Variants in NPEPL1 observed in about 807,000 individuals in gnomAD.
NPEPL1 encodes the protein probable aminopeptidase NPEPL1.
A neutral mutation model predicts 52.4 loss-of-function variants in NPEPL1; 45 were observed. That is an observed-to-expected ratio of 0.86 (90% CI 0.68 to 1.10). NPEPL1 has a LOEUF of 1.10. NPEPL1 is among the 50% of genes least tolerant of loss of function. The pLI is 0.00. For missense variants in NPEPL1, 696 were observed against 710.9 expected, an observed-to-expected ratio of 0.98 and a Z score of 0.24; for synonymous variants, 360 against 314.7, an observed-to-expected ratio of 1.14 and a Z score of -1.52.
chr20:58,708,944 C>A (rs548855215), intron 7 of NPEPL1, among the ~76,000 whole-genome samples: 2 of 152,132 alleles, frequency 1.3e-5, no homozygotes, highest in East Asian at 1.9e-4. Context: ...CCTGGTTACT[C>A]CTCCAACAGA....
chr20:58,707,042 CGGGTGG>C, intron 6 of NPEPL1, 75 bp from the exon 7 acceptor site: 3 of 1,056,304 alleles, frequency 2.8e-6, no homozygotes, highest in Non-Finnish European at 3.7e-6. Flanking sequence ...AGCGTGGGGC[CGGGTGG>C]GGGTGGGGGG....
At chr20:58,701,684 AG>A (rs1170938317) in intron 6 of NPEPL1, among the ~76,000 whole-genome samples, 4 of 152,122 alleles carry the variant, frequency 2.6e-5, no homozygotes, top group African/African-American at 7.2e-5. Flanking sequence ...GAGAAGGGCA[AG>A]GGGACGCCTG....
At position 58,713,939 on chromosome 20, in the gene NPEPL1, A is replaced by G. The variant is rs1219980337; in HGVS notation, c.1148A>G (p.His383Arg). Reference protein sequence around the residue: ...GAQGIATGKYHAAVLTNSAEW... With the variant: ...GAQGIATGKYRAAVLTNSAEW... ...CAGGGCATTGCCACAGGGAAGTACC[A>G]CGCCGCGGTGCTCACCAACAGCGCT... Residue 383 changes from histidine (H) to arginine (R), a missense_variant, in exon 10 of 12, where the codon CAC becomes CGC. Physicochemically the swap from His to Arg is conservative, Grantham distance 29. Coordinates refer to ENST00000356091, the MANE Select transcript of NPEPL1 (RefSeq NM_024663.4). The surrounding 1 kb of genome is among the most constrained non-coding windows in gnomAD (Gnocchi z 4.6). 7.3e-6 allele frequency: 11 copies of G among 1,500,238 alleles called. No individual in the cohort carries two copies. In the East Asian group the frequency reaches 2.8e-4, roughly 39 times the overall value. The allele number at this position is 1,500,238 out of a possible 1,614,324, so 92.9% of individuals were successfully genotyped here. A position where few individuals can be genotyped will look rare whatever the true frequency, so the allele number is the denominator to read the frequency against.
chr20:58,691,940 C>T, upstream of NPEPL1: 1 of 752,602 alleles, frequency 1.3e-6, no homozygotes, highest in South Asian at 1.5e-5. Context: ...CCTCCACCAT[C>T]CACTCAAGGC....
At chr20:58,694,640 G>A (rs771161397) in intron 3 of NPEPL1, 48 bp downstream of exon 3, 8 of 1,543,946 alleles carry the variant, frequency 5.2e-6, no homozygotes, top group South Asian at 2.4e-5. Flanking sequence ...GGGCAAGATC[G>A]GGCAGGTGGG....
chr20:58,699,135 C>T, intron 4 of NPEPL1, 62 bp from the exon 5 acceptor site: 1 of 1,471,724 alleles, frequency 6.8e-7, no homozygotes, highest in South Asian at 1.2e-5. Flanking sequence ...GCCTCGGCCT[C>T]TCCTGTTTCC....
At chr20:58,691,693 C>CTTTTTTTTTTTTTTTTTTCTTTTTT, upstream of NPEPL1, 1 of 561,314 alleles carries the variant, frequency 1.8e-6, no homozygotes, top group Non-Finnish European at 2.9e-6. Flanking sequence ...TTTTTCTTTT[C>CTTTTTTTTTTTTTTTTTTCTTTTTT]TTTTTTTTTT....
Position 58,693,736 on chromosome 20 carries a change from G to T in NPEPL1, c.151-1G>T, listed in dbSNP as rs778332248. ...TGTCTTGTCTCTCCCTTCTGATCTA[G>T]CTCTGGCAGGCTGCCCTGAGCACGC... On this transcript the variant is annotated splice_acceptor_variant, in intron 1 of 11. Coordinates refer to ENST00000356091, the MANE Select transcript of NPEPL1 (RefSeq NM_024663.4). LOFTEE classifies it high-confidence loss of function. 3 of 1,601,658 alleles carry T rather than the reference G, an allele frequency of 1.9e-6. No individual in the cohort carries two copies. The highest frequency in any genetic ancestry group is 4.5e-5 in the East Asian group (2 of 44,430).
At chr20:58,704,323 A>G in intron 6 of NPEPL1, 1 of 985,436 alleles carries the variant, frequency 1.0e-6, no homozygotes, top group African/African-American at 1.7e-5. Context: ...CAAAGATTTC[A>G]AGGGCAGCTC....
At position 58,694,445 on chromosome 20, in the gene NPEPL1, CTT is replaced by C; in HGVS notation, c.362_363del (p.Phe121CysfsTer70). On this transcript the variant is annotated frameshift_variant, in exon 3 of 12. Transcript: ENST00000356091. LOFTEE classifies it high-confidence loss of function. ...AGATGGTCTGCGAGCAGCCGGAGGT[CTT>C]TGCTTCCGCCTGTGCCCTGGCCCGG... ...IVMVCEQPEV[F>X]ASACALARAF... The C allele has an allele frequency of 6.2e-7, 1 of 1,612,800 alleles. No homozygotes were observed. The highest frequency in any genetic ancestry group is 8.5e-7 in the Non-Finnish European group (1 of 1,179,324).
intron 3 of NPEPL1, among the ~76,000 whole-genome samples, chr20:58,696,400 TCTC>T (rs953879237): frequency 6.6e-6 from 1 of 152,202 alleles, no homozygotes; most frequent in Non-Finnish European, 1.5e-5. Context: ...TCTTTGTTGA[TCTC>T]CTGTGCTCCT....
intron 6 of NPEPL1, chr20:58,705,693 T>C: frequency 2.5e-6 from 1 of 393,144 alleles, no homozygotes; most frequent in South Asian, 1.8e-5. Context: ...TCAGTTGAGC[T>C]GTATTTGCAA....
chr20:58,696,612 G>A (rs544135965), intron 3 of NPEPL1, among the ~76,000 whole-genome samples: 4 of 152,342 alleles, frequency 2.6e-5, no homozygotes, highest in East Asian at 1.9e-4. Flanking sequence ...GCCCAGTGCC[G>A]TGCCTTGAGG....
At chr20:58,714,948 A>C in intron 11 of NPEPL1, 1 of 625,078 alleles carries the variant, frequency 1.6e-6, no homozygotes. Flanking sequence ...AAGGCAGAGC[A>C]CACAGGGCCT....
At chr20:58,697,666 A>G (rs6026450) in intron 3 of NPEPL1, among the ~76,000 whole-genome samples, 103,757 of 152,208 alleles carry the variant, frequency 0.68, 36,905 homozygotes, top group African/African-American at 0.88. Flanking sequence ...TCTGGTGAGC[A>G]AGGGAGGCCG....
upstream of NPEPL1, among the ~76,000 whole-genome samples, chr20:58,692,366 C>T (rs533934235): frequency 6.6e-6 from 1 of 152,218 alleles, no homozygotes; most frequent in South Asian, 2.1e-4. This position sits in a 1 kb window ranked among gnomAD's most constrained non-coding sequence, Gnocchi z 5.7. Context: ...GTCACTGGGC[C>T]CCTCCGGCCT....
intron 5 of NPEPL1, among the ~76,000 whole-genome samples, chr20:58,699,618 C>CTTG (rs2084570603): frequency 6.6e-6 from 1 of 152,238 alleles, no homozygotes; most frequent in South Asian, 2.1e-4. Flanking sequence ...ACACAAGTTC[C>CTTG]CATCACGGCA....
chr20:58,703,493 C>G (rs2084676412), intron 6 of NPEPL1: 1 of 984,356 alleles, frequency 1.0e-6, no homozygotes. Context: ...TACCCACGGT[C>G]ACCCTGGAAG....
chr20:58,691,709 T>TTTTTTTTTTTG, upstream of NPEPL1: 2 of 710,820 alleles, frequency 2.8e-6, no homozygotes, highest in Non-Finnish European at 4.4e-6. Context: ...TTTTTTTTTT[T>TTTTTTTTTTTG]TTTTTCATTT....
Sources: allele counts gnomAD v4.1 joint callset (sites outside exome capture counted in the v4.1 genomes callset), GRCh38; gene constraint gnomAD v4.1.1; non-coding constraint Gnocchi (gnomAD v3.1); transcripts MANE v1.5; gene names NCBI Gene and HGNC (gene_info 2026-07-23, HGNC 2026-07-21).